MYO10: variants seen among roughly 807,000 people sequenced by gnomAD.
MYO10 encodes the protein unconventional myosin-X.
A neutral mutation model predicts 257.3 loss-of-function variants in MYO10; 133 were observed. The ratio of observed to expected loss-of-function variants is 0.52; its 90% CI spans 0.45 to 0.60. The LOEUF is 0.60. Among genes scored for constraint, MYO10 ranks in the 20% least tolerant of loss-of-function variants. The pLI is 0.00. For synonymous variants in MYO10, 1,104 were observed against 1,028.6 expected (o/e 1.07, Z -1.40); for missense variants, 2,399 against 2,635.7 (o/e 0.91, Z 1.97).
chr5:16,904,962 G>A (rs1006992213), intron 1 of MYO10, among the ~76,000 whole-genome samples: 5 of 152,146 alleles, frequency 3.3e-5, no homozygotes, highest in African/African-American at 1.2e-4. Context: ...AAGTTTAGTA[G>A]AAGAAACTCA....
At position 16,935,976 on chromosome 5, in the gene MYO10, T is replaced by C. The variant is rs1746431069; in HGVS notation, c.-168A>G. The stretch of plus-strand genomic sequence containing the variant: ...GTCCCTTCTTGTCCTTCTCACCTTT[T>C]GTTCGCCCAAACCCAAGTCCCTAAC... On this transcript the variant is annotated 5_prime_UTR_variant, in exon 1 of 41. Coordinates refer to ENST00000513610, the MANE Select transcript of MYO10 (RefSeq NM_012334.3). 5 of 782,900 alleles carry C rather than the reference T, an allele frequency of 6.4e-6. No homozygotes were observed. The highest frequency in any genetic ancestry group is 1.0e-5 in the Non-Finnish European group (5 of 483,064). The allele number at this position is 782,900 out of a possible 1,614,324, so 48.5% of individuals were successfully genotyped here.
Position 16,827,766 on chromosome 5 carries a change from A to C in MYO10, c.121-9599T>G, listed in dbSNP as rs530557995. Among the ~76,000 whole-genome samples, 9 of 152,310 alleles carry C rather than the reference A, an allele frequency of 5.9e-5. No homozygotes were observed. The South Asian group carries it at 1.9e-3, about 32-fold the overall frequency. ...ATCCTTTAGGTGCCAAAACAAAATA[A>C]GAGGGCCAAGCAGAGGGAACGGGTT... On this transcript the variant is annotated intron_variant, in intron 2 of 40. Coordinates refer to ENST00000513610, the MANE Select transcript of MYO10 (RefSeq NM_012334.3).
intron 9 of MYO10, among the ~76,000 whole-genome samples, chr5:16,772,116 G>C (rs1245511969): frequency 6.6e-6 from 1 of 151,470 alleles, no homozygotes; most frequent in Non-Finnish European, 1.5e-5. Flanking sequence ...AATATAGTAA[G>C]TTATATGAAT....
At chr5:16,904,698 G>T (rs1477599073) in intron 1 of MYO10, among the ~76,000 whole-genome samples, 1 of 152,198 alleles carries the variant, frequency 6.6e-6, no homozygotes, top group Non-Finnish European at 1.5e-5. Flanking sequence ...GGGAGGCCGA[G>T]GCGGGCAGAT....
At position 16,673,694 on chromosome 5, in the gene MYO10, G is replaced by C; in HGVS notation, c.5160C>G (p.Thr1720=). The C allele has an allele frequency of 6.2e-7, 1 of 1,613,604 alleles. No individual in the cohort carries two copies. ...TGCCTCTCCTCACCTCCCCAGCGGTGGTGTGGGAGTTGATGGTGATCTTGC... is the reference window on the plus strand; with the variant it reads ...TGCCTCTCCTCACCTCCCCAGCGGTCGTGTGGGAGTTGATGGTGATCTTGC... The part of the protein sequence containing the change: ...GSCKITINSH[T]TAGEVVEKLI... Residue 1720 remains threonine (T), a synonymous_variant, in exon 36 of 41, where the codon ACC becomes ACG. Transcript: ENST00000513610.
chr5:16,870,426 G>T (rs1362372502), intron 2 of MYO10, among the ~76,000 whole-genome samples: 1 of 151,370 alleles, frequency 6.6e-6, no homozygotes, highest in Non-Finnish European at 1.5e-5. Context: ...ATATCACCAA[G>T]GAGCTTGTGA....
intron 19 of MYO10, among the ~76,000 whole-genome samples, chr5:16,725,346 G>A (rs747554641): frequency 2.6e-5 from 4 of 151,706 alleles, no homozygotes; most frequent in Non-Finnish European, 4.4e-5. Flanking sequence ...TGCCTGCCTC[G>A]CCCTCCCAAA....
chr5:16,734,920 G>C (rs890738803), intron 19 of MYO10, among the ~76,000 whole-genome samples: 1 of 152,118 alleles, frequency 6.6e-6, no homozygotes, highest in South Asian at 2.1e-4. Flanking sequence ...GTCTGAGCCA[G>C]GAGTTTTACA....
chr5:16,747,746 C>T (rs773307632), intron 19 of MYO10, among the ~76,000 whole-genome samples: 2 of 151,720 alleles, frequency 1.3e-5, no homozygotes, highest in East Asian at 1.9e-4. Flanking sequence ...GAGAAACCCC[C>T]GTCTCTACTA....
intron 1 of MYO10, among the ~76,000 whole-genome samples, chr5:16,921,401 G>C (rs894931458): frequency 2.0e-5 from 3 of 152,108 alleles, no homozygotes; most frequent in Non-Finnish European, 4.4e-5. Flanking sequence ...AAGCCTTAGC[G>C]CAGTGGTTCC....
rs771659974 is a variant in MYO10 at position 16,670,956 on chromosome 5, C to T, written c.5453G>A (p.Gly1818Asp). ...GTTTTCTTCCGGGGCTGGATGGTGG[C>T]CATGGATAACCGCTTCGTGGGCCTG... Reference protein sequence around the residue: ...FEQAHEAVIHGHHPAPEENLQ... With the variant: ...FEQAHEAVIHDHHPAPEENLQ... Residue 1818 changes from glycine (G) to aspartate (D), a missense_variant, in exon 39 of 41, where the codon GGC (glycine) becomes GAC (aspartate). Gly to Asp is a moderately conservative substitution (Grantham distance 94, BLOSUM62 -1). This residue lies in a region of MYO10 where 1,820 missense variants were observed against 1,939.4 expected (regional missense o/e 0.94). Coordinates refer to ENST00000513610, the MANE Select transcript of MYO10 (RefSeq NM_012334.3). The T allele has an allele frequency of 3.1e-6, 5 of 1,610,372 alleles. No individual in the cohort carries two copies. The South Asian group carries it at 5.5e-5, about 18-fold the overall frequency.
rs996461549 is a variant in MYO10, at chr5:16,911,909, G to T, written c.21+23879C>A. Reference sequence around the variant, plus strand: ...AAAAATTAGCCGGGTGTGGTGGTGGGCACCTGTAATCCCAGCTACTTGGGA... The same window carrying T: ...AAAAATTAGCCGGGTGTGGTGGTGGTCACCTGTAATCCCAGCTACTTGGGA... On this transcript the variant is annotated intron_variant, in intron 1 of 40. Coordinates refer to ENST00000513610, the MANE Select transcript of MYO10 (RefSeq NM_012334.3). Among the ~76,000 whole-genome samples, 8 of 151,758 alleles carry T rather than the reference G, an allele frequency of 5.3e-5. No homozygotes were observed. In the South Asian group the frequency reaches 1.7e-3, roughly 32 times the overall value.
intron 3 of MYO10, among the ~76,000 whole-genome samples, chr5:16,809,953 G>A (rs1328916159): frequency 6.6e-6 from 1 of 152,144 alleles, no homozygotes; most frequent in Non-Finnish European, 1.5e-5. Flanking sequence ...GAGACTGGGA[G>A]AGGAGTCTCC....
chr5:16,756,439 T>C (rs1740530647), intron 18 of MYO10, among the ~76,000 whole-genome samples: 1 of 152,190 alleles, frequency 6.6e-6, no homozygotes, highest in Admixed American at 6.5e-5. Context: ...GGTGGATGCA[T>C]CTTTTCAGTC....
At chr5:16,854,565 G>C (rs966603558) in intron 2 of MYO10, among the ~76,000 whole-genome samples, 7 of 151,964 alleles carry the variant, frequency 4.6e-5, no homozygotes, top group African/African-American at 1.7e-4. Flanking sequence ...GGAGAGCTTG[G>C]GAATGACAGC....
rs185982192 is a variant in MYO10 at position 16,692,196 on chromosome 5, G to A, written c.3800+2175C>T. On this transcript the variant is annotated intron_variant, in intron 27 of 40. Transcript: ENST00000513610. Reference sequence around the variant, plus strand: ...AGCACTTTGGGAGGCTGAGGTGTGCGGATCACCTGAGGTTAGGAGTTTGAG... The same window carrying A: ...AGCACTTTGGGAGGCTGAGGTGTGCAGATCACCTGAGGTTAGGAGTTTGAG... Among the ~76,000 whole-genome samples, 458 of 152,232 alleles carry A rather than the reference G, an allele frequency of 3.0e-3. 2 individuals are homozygous for A. The highest frequency in any genetic ancestry group is 0.01 in the African/African-American group (430 of 41,532).
chr5:16,885,761 C>T lies in MYO10; in HGVS notation c.22-8054G>A, dbSNP rs541233854. 2.5e-4 allele frequency among the ~76,000 whole-genome samples: 38 copies of T among 152,142 alleles called. 1 individual carries two copies. Among genetic ancestry groups the T allele is most frequent in the South Asian group, 6.2e-4 (3 of 4,816 alleles). On this transcript the variant is annotated intron_variant, in intron 1 of 40. Transcript: ENST00000513610. ...GAGTATGACAAATGCAGCGCTAACG[C>T]GAGCCACAAGGATGAGGGAGCACTG...
chr5:16,856,004 G>A (rs1439469485), intron 2 of MYO10, among the ~76,000 whole-genome samples: 4 of 152,198 alleles, frequency 2.6e-5, no homozygotes, highest in East Asian at 1.9e-4. Context: ...GGACTTTAAC[G>A]TCTGAAACGA....
intron 19 of MYO10, among the ~76,000 whole-genome samples, chr5:16,724,191 TAG>T (rs926205522): frequency 2.0e-5 from 3 of 152,154 alleles, no homozygotes; most frequent in Non-Finnish European, 4.4e-5. Context: ...TGGAAACATA[TAG>T]AGTCTATAAG....
Sources: gnomAD v4.1 joint callset for allele counts (sites outside exome capture counted in the v4.1 genomes callset) on GRCh38, gnomAD v4.1.1 for gene constraint, gnomAD v4.1.1 regional missense constraint, MANE v1.5 for transcripts, NCBI Gene and HGNC (gene_info 2026-07-23, HGNC 2026-07-21) for gene names.